SPAG16: variants seen among roughly 807,000 people sequenced by gnomAD.
SPAG16 encodes sperm associated antigen 16, also known as sperm-associated antigen 16 protein.
In SPAG16, 86 loss-of-function variants were observed where a neutral mutation model predicts 80.4. The observed-to-expected ratio is 1.07, with a 90% CI of 0.90 to 1.28. The LOEUF is 1.28. Ranked by LOEUF, SPAG16 falls within the 50% of genes most tolerant of loss-of-function variation. SPAG16 has a pLI of 0.00. For synonymous variants in SPAG16, 294 were observed against 265.9 expected, an observed-to-expected ratio of 1.11 and a Z score of -1.03; for missense variants, 870 against 765.3, an observed-to-expected ratio of 1.14 and a Z score of -1.61.
At chr2:213,575,480 C>G (rs1412429679) in intron 10 of SPAG16, among the ~76,000 whole-genome samples, 1 of 151,880 alleles carries the variant, frequency 6.6e-6, no homozygotes, top group Non-Finnish European at 1.5e-5. Context: ...ATTAATTAAT[C>G]AAATGTTAAG....
chr2:213,593,083 T>G (rs535335706), intron 10 of SPAG16, among the ~76,000 whole-genome samples: 2 of 152,300 alleles, frequency 1.3e-5, no homozygotes, highest in Admixed American at 6.5e-5. Flanking sequence ...ATATATATTT[T>G]TACTTGTAGA....
chr2:213,290,914 C>T (rs1264849013), intron 1 of SPAG16, among the ~76,000 whole-genome samples: 1 of 152,088 alleles, frequency 6.6e-6, no homozygotes, highest in African/African-American at 2.4e-5. Context: ...TTTTACCGTC[C>T]CAAGGGCCAA....
At chr2:214,238,819 A>G (rs1689254872) in intron 15 of SPAG16, 2 of 151,970 alleles carry the variant, frequency 1.3e-5, no homozygotes, top group Admixed American at 1.3e-4. Flanking sequence ...GTTCACTACA[A>G]CAAGCTTATC....
intron 10 of SPAG16, among the ~76,000 whole-genome samples, chr2:213,684,046 C>T (rs1409466007): frequency 2.6e-5 from 4 of 152,206 alleles, no homozygotes; most frequent in African/African-American, 9.7e-5. Flanking sequence ...TGACTGTAGG[C>T]TGACAACATT....
At chr2:213,951,610 C>T (rs926908492) in intron 12 of SPAG16, among the ~76,000 whole-genome samples, 1 of 152,072 alleles carries the variant, frequency 6.6e-6, no homozygotes, top group Non-Finnish European at 1.5e-5. Flanking sequence ...TTTATATTCT[C>T]TTCTTTCAAG....
rs202181992 is a variant in SPAG16, at chr2:213,870,087, T to C, written c.1214+7459T>C. ...AATACTACATCCTCTGTGTCGTTTG[T>C]ATTCATAGTTAAATTGAGGCCATAT... On this transcript the variant is annotated intron_variant, in intron 11 of 15. Transcript: ENST00000331683. Among the ~76,000 whole-genome samples, 5 of 152,320 alleles carry C rather than the reference T, an allele frequency of 3.3e-5. No homozygotes were observed. The East Asian group carries it at 9.6e-4, about 29-fold the overall frequency.
At chr2:213,972,650 A>G (rs1168628256) in intron 12 of SPAG16, among the ~76,000 whole-genome samples, 4 of 152,182 alleles carry the variant, frequency 2.6e-5, no homozygotes, top group African/African-American at 9.6e-5. Flanking sequence ...GCACCCAGAA[A>G]TAACGTTTTG....
chr2:213,830,552 G>A (rs2073574596), intron 10 of SPAG16, among the ~76,000 whole-genome samples: 1 of 152,046 alleles, frequency 6.6e-6, no homozygotes, highest in Non-Finnish European at 1.5e-5. Flanking sequence ...AATTGGTAGA[G>A]GTTTCTATTT....
At chr2:213,949,179 T>TTTTTTTTTTTTTTTTTTTTTG (rs1553677674) in intron 12 of SPAG16, among the ~76,000 whole-genome samples, 13 of 36,258 alleles carry the variant, frequency 3.6e-4, no homozygotes, top group Admixed American at 9.5e-4. Flanking sequence ...GTTTTTTTTT[T>TTTTTTTTTTTTTTTTTTTTTG]TTTTTTTTTT....
Position 213,878,936 on chromosome 2 carries a change from C to T in SPAG16, c.1214+16308C>T, listed in dbSNP as rs944591644. Among the ~76,000 whole-genome samples, 13 of 152,108 alleles carry T rather than the reference C, an allele frequency of 8.5e-5. No individual in the cohort carries two copies. In the East Asian group the frequency reaches 2.3e-3, roughly 27 times the overall value. ...CCCCAGTGCATGTTTTTGACAACAA[C>T]TTTGTCAAAGATCAGGTGGATGTGG... On this transcript the variant is annotated intron_variant, in intron 11 of 15. Coordinates refer to ENST00000331683, the MANE Select transcript of SPAG16 (RefSeq NM_024532.5).
At chr2:213,312,416 A>G (rs1230506676) in intron 4 of SPAG16, among the ~76,000 whole-genome samples, 1 of 151,698 alleles carries the variant, frequency 6.6e-6, no homozygotes, top group Non-Finnish European at 1.5e-5. Flanking sequence ...TTACCTGAGC[A>G]TATGTCATCC....
chr2:213,617,055 C>G (rs2061620844), intron 10 of SPAG16, among the ~76,000 whole-genome samples: 1 of 151,836 alleles, frequency 6.6e-6, no homozygotes, highest in South Asian at 2.1e-4. Flanking sequence ...TAGGTGGGCC[C>G]CTGCAGATGA....
chr2:213,531,298 C>T (rs933900339), intron 10 of SPAG16, among the ~76,000 whole-genome samples: 3 of 151,792 alleles, frequency 2.0e-5, no homozygotes, highest in Admixed American at 6.6e-5. Context: ...AAATCTAGTG[C>T]ATAACCTATC....
At chr2:213,476,055 G>C (rs968732248) in intron 9 of SPAG16, among the ~76,000 whole-genome samples, 2 of 152,150 alleles carry the variant, frequency 1.3e-5, no homozygotes, top group African/African-American at 4.8e-5. Context: ...ACATCCCCCT[G>C]TTTCTAAGAA....
chr2:214,178,974 T>C (rs1396526955), intron 15 of SPAG16, among the ~76,000 whole-genome samples: 2 of 151,332 alleles, frequency 1.3e-5, no homozygotes, highest in Non-Finnish European at 3.0e-5. Context: ...CGTATGAACA[T>C]TTCTTTTGCA....
intron 10 of SPAG16, among the ~76,000 whole-genome samples, chr2:213,540,029 A>ATTT (rs58117443): frequency 0.026 from 2,846 of 110,760 alleles, 118 homozygotes; most frequent in Middle Eastern, 0.043. Context: ...ATATTTCTTA[A>ATTT]TTTTTTTTTT....
intron 12 of SPAG16, among the ~76,000 whole-genome samples, chr2:213,955,276 C>A (rs1402558107): frequency 6.6e-6 from 1 of 151,946 alleles, no homozygotes; most frequent in East Asian, 1.9e-4. Flanking sequence ...TCTTATTTTT[C>A]TTATGTTTTC....
intron 12 of SPAG16, among the ~76,000 whole-genome samples, chr2:213,987,102 G>T (rs1019399821): frequency 1.3e-5 from 2 of 152,050 alleles, no homozygotes; most frequent in African/African-American, 4.8e-5. Context: ...CAAGGTGGGG[G>T]AAGTCTTCTT....
chr2:214,356,745 G>T (rs1287004074), intron 15 of SPAG16, among the ~76,000 whole-genome samples: 10 of 151,590 alleles, frequency 6.6e-5, no homozygotes, highest in Admixed American at 6.6e-4. Context: ...TTTCTCTCTT[G>T]GCTAAACTTT....
Sources: gnomAD v4.1 joint callset for allele counts (sites outside exome capture counted in the v4.1 genomes callset) on GRCh38, gnomAD v4.1.1 for gene constraint, MANE v1.5 for transcripts, NCBI Gene and HGNC (gene_info 2026-07-23, HGNC 2026-07-21) for gene names.